RBM47: variants seen among roughly 807,000 people sequenced by gnomAD.
RBM47 encodes the protein RNA-binding protein 47.
RBM47 carries 21 observed loss-of-function variants against 47.1 expected under a neutral mutation model. The observed-to-expected ratio is 0.45, with a 90% CI of 0.32 to 0.64. The LOEUF (loss-of-function observed/expected upper bound fraction) is 0.64, where lower values mean the gene tolerates loss of function less well. Among genes scored for constraint, RBM47 ranks in the 30% least tolerant of loss-of-function variants. The probability of loss-of-function intolerance (pLI) is 0.05; values close to 1 mark genes in which losing one functional copy is unlikely to be tolerated. For synonymous variants in RBM47, 375 were observed against 361.7 expected (o/e 1.04, Z -0.42); for missense variants, 708 against 870.9 (o/e 0.81, Z 2.35).
intron 6 of RBM47, chr4:40,427,005 C>A (rs932883415): frequency 5.9e-5 from 9 of 152,130 alleles, no homozygotes; most frequent in African/African-American, 1.9e-4. Flanking sequence ...ATGCCAGCTG[C>A]CTCAACTCAT....
chr4:40,443,417 AT>A (rs1191336386), intron 3 of RBM47, among the ~76,000 whole-genome samples: 2 of 152,274 alleles, frequency 1.3e-5, no homozygotes, highest in East Asian at 3.9e-4. Context: ...ATTAGAGGCC[AT>A]TAAAAAATGA....
At chr4:40,569,566 C>T (rs1321852770) in intron 1 of RBM47, among the ~76,000 whole-genome samples, 7 of 147,582 alleles carry the variant, frequency 4.7e-5, no homozygotes, top group Non-Finnish European at 7.6e-5. Flanking sequence ...CCCACCACCA[C>T]ACCCGGCTAA....
At chr4:40,569,693 G>A (rs529670290) in intron 1 of RBM47, among the ~76,000 whole-genome samples, 77 of 149,208 alleles carry the variant, frequency 5.2e-4, no homozygotes, top group African/African-American at 1.6e-3. Context: ...ACAGGCGTGA[G>A]TCACCACGCC....
intron 3 of RBM47, among the ~76,000 whole-genome samples, chr4:40,455,315 G>A (rs1220098888): frequency 3.3e-5 from 5 of 152,222 alleles, no homozygotes; most frequent in Admixed American, 2.6e-4. Flanking sequence ...TCCACGCCCA[G>A]GCTCTGGAGC....
chr4:40,594,598 A>C (rs1427678074), intron 1 of RBM47, among the ~76,000 whole-genome samples: 3 of 152,170 alleles, frequency 2.0e-5, no homozygotes, highest in African/African-American at 7.2e-5. Flanking sequence ...ATTCGTGGTC[A>C]AACCGAGCCA....
chr4:40,552,063 G>C (rs952661158), intron 1 of RBM47, among the ~76,000 whole-genome samples: 1 of 152,058 alleles, frequency 6.6e-6, no homozygotes, highest in Non-Finnish European at 1.5e-5. Flanking sequence ...ACAAGACCTT[G>C]TTTAAAAGAA....
At chr4:40,439,255 A>G (rs1001504443) in intron 3 of RBM47, among the ~76,000 whole-genome samples, 2 of 152,148 alleles carry the variant, frequency 1.3e-5, no homozygotes, top group Non-Finnish European at 2.9e-5. Flanking sequence ...CTTTTGCTTC[A>G]TTCCTGCACC....
At chr4:40,441,419 A>G (rs973633574) in intron 3 of RBM47, among the ~76,000 whole-genome samples, 1 of 152,086 alleles carries the variant, frequency 6.6e-6, no homozygotes, top group African/African-American at 2.4e-5. Context: ...CACCCAACCA[A>G]GAAATTTCAA....
chr4:40,523,310 C>G (rs1208468829), intron 2 of RBM47, among the ~76,000 whole-genome samples: 1 of 151,920 alleles, frequency 6.6e-6, no homozygotes, highest in Non-Finnish European at 1.5e-5. Flanking sequence ...CACAGTGGCT[C>G]ATGCCTGTAA....
At chr4:40,568,930 G>C (rs762866562) in intron 1 of RBM47, among the ~76,000 whole-genome samples, 1 of 151,550 alleles carries the variant, frequency 6.6e-6, no homozygotes, top group East Asian at 1.9e-4. Context: ...ACAGTGAGCC[G>C]AGATTGCGCC....
intron 2 of RBM47, among the ~76,000 whole-genome samples, chr4:40,472,842 AT>A (rs1391151138): frequency 6.6e-6 from 1 of 152,168 alleles, no homozygotes; most frequent in African/African-American, 2.4e-5. Context: ...ATTTGGATTT[AT>A]CCCCTTTTAT....
chr4:40,436,636 T>G lies in RBM47; in HGVS notation c.1135A>C (p.Arg379=). ...CCAGCTGCACCTCGCCCTCGGCCTC[T>G]TATGCTGCCTGCTTGTAATAACAAC... ...RDYFVKAGSI[R]GRGRGAAGNR... Residue 379 remains arginine, a synonymous_variant, in exon 5 of 7, where the codon AGA becomes CGA. Coordinates refer to ENST00000295971, the MANE Select transcript of RBM47 (RefSeq NM_001098634.2). 3.1e-6 allele frequency: 5 copies of G among 1,613,958 alleles called. No homozygotes were observed. The highest frequency in any genetic ancestry group is 4.2e-6 in the Non-Finnish European group (5 of 1,179,970).
At chr4:40,561,210 G>A (rs1376030594) in intron 1 of RBM47, among the ~76,000 whole-genome samples, 1 of 150,788 alleles carries the variant, frequency 6.6e-6, no homozygotes, top group Non-Finnish European at 1.5e-5. Flanking sequence ...GCCTTTCTGG[G>A]ACTATTTTTC....
At chr4:40,449,246 A>G (rs1715032134) in intron 3 of RBM47, among the ~76,000 whole-genome samples, 1 of 152,180 alleles carries the variant, frequency 6.6e-6, no homozygotes, top group Non-Finnish European at 1.5e-5. Context: ...TTGCTACTGA[A>G]AAGCATGGCC....
chr4:40,433,463 TCA>T (rs1403186999), intron 5 of RBM47, among the ~76,000 whole-genome samples: 2 of 152,058 alleles, frequency 1.3e-5, no homozygotes, highest in Non-Finnish European at 2.9e-5. Flanking sequence ...TACAGAAAAA[TCA>T]CAGTTTGAAT....
chr4:40,426,313 C>G, intron 6 of RBM47, 170 bp from the exon 7 acceptor site: 1 of 812,832 alleles, frequency 1.2e-6, no homozygotes, highest in South Asian at 1.9e-5. Context: ...GGAGAAGAGC[C>G]ACTGAAGAGG....
chr4:40,473,162 C>T (rs1211659568), intron 2 of RBM47, among the ~76,000 whole-genome samples: 1 of 152,184 alleles, frequency 6.6e-6, no homozygotes, highest in Non-Finnish European at 1.5e-5. Flanking sequence ...GTTTATCATG[C>T]ACCAGGTATG....
intron 1 of RBM47, among the ~76,000 whole-genome samples, chr4:40,613,028 A>G (rs1451586361): frequency 5.3e-5 from 8 of 152,252 alleles, no homozygotes; most frequent in African/African-American, 1.9e-4. Flanking sequence ...AAGGAAAGTC[A>G]GCCTGGTACA....
intron 2 of RBM47, among the ~76,000 whole-genome samples, chr4:40,541,059 C>T (rs1372590958): frequency 6.6e-6 from 1 of 151,830 alleles, no homozygotes; most frequent in Non-Finnish European, 1.5e-5. Flanking sequence ...GAGGCTACGA[C>T]AAGCGGATCG....
Sources: gnomAD v4.1 joint callset for allele counts (sites outside exome capture counted in the v4.1 genomes callset) on GRCh38, gnomAD v4.1.1 for gene constraint, MANE v1.5 for transcripts, NCBI Gene and HGNC (gene_info 2026-07-23, HGNC 2026-07-21) for gene names.